NBEA: variants seen among roughly 807,000 people sequenced by gnomAD.
NBEA encodes neurobeachin.
A neutral mutation model predicts 343.4 loss-of-function variants in NBEA; 44 were observed. That is an observed-to-expected ratio of 0.13 (90% CI 0.10 to 0.16). NBEA has a LOEUF of 0.16. NBEA is among the 10% of genes least tolerant of loss of function. The pLI is 1.00. For missense variants in NBEA, 2,555 were observed against 3,631.3 expected, an observed-to-expected ratio of 0.70 and a Z score of 7.62; for synonymous variants, 1,175 against 1,238.7, an observed-to-expected ratio of 0.95 and a Z score of 1.08.
rs2061328920 is a variant in NBEA at position 35,006,658 on chromosome 13, T to C, written c.295-34275T>C. Among the ~76,000 whole-genome samples the C allele has an allele frequency of 2.0e-5, 3 of 152,292 alleles. No homozygotes were observed. The South Asian group carries it at 6.2e-4, about 32-fold the overall frequency. Reference sequence around the variant, plus strand: ...TTGGAAATCTACTTTTTACAGTCTCTTTTTCTTTCTCTGCAATTTTTAAAT... The same window carrying C: ...TTGGAAATCTACTTTTTACAGTCTCCTTTTCTTTCTCTGCAATTTTTAAAT... On this transcript the variant is annotated intron_variant, in intron 1 of 58. Coordinates refer to ENST00000379939, the MANE Select transcript of NBEA (RefSeq NM_001385012.1).
intron 10 of NBEA, among the ~76,000 whole-genome samples, chr13:35,080,020 C>CTAGG (rs534061149): frequency 9.6e-4 from 146 of 152,096 alleles, no homozygotes; most frequent in African/African-American, 3.3e-3. Flanking sequence ...GTAATATTAC[C>CTAGG]TATTTCTGAA....
rs548513244 is a variant in NBEA at position 35,453,730 on chromosome 13, G to T, written c.6448+1495G>T. On this transcript the variant is annotated intron_variant, in intron 40 of 58. Transcript: ENST00000379939. ...ATAATTAATTAGTTAGTATAGATTT[G>T]CATAGTCCCTTAAAGTTTATTATAA... Among the ~76,000 whole-genome samples, 4 of 152,254 alleles carry T rather than the reference G, an allele frequency of 2.6e-5. No individual in the cohort carries two copies. The South Asian group carries it at 8.3e-4, about 32-fold the overall frequency.
chr13:35,298,836 TGAATTG>T (rs2036338731), intron 35 of NBEA, among the ~76,000 whole-genome samples: 1 of 152,030 alleles, frequency 6.6e-6, no homozygotes, highest in Non-Finnish European at 1.5e-5. Flanking sequence ...ATCTTCTCTT[TGAATTG>T]ATCATTCATT....
intron 6 of NBEA, among the ~76,000 whole-genome samples, chr13:35,051,646 A>G (rs1212129104): frequency 6.6e-6 from 1 of 151,954 alleles, no homozygotes; most frequent in Non-Finnish European, 1.5e-5. Flanking sequence ...TTTCTTTTTT[A>G]ATACAAATTG....
intron 41 of NBEA, among the ~76,000 whole-genome samples, chr13:35,492,283 C>A (rs948792790): frequency 6.6e-6 from 1 of 151,822 alleles, no homozygotes; most frequent in Non-Finnish European, 1.5e-5. Context: ...AAATCTCACA[C>A]TAAAGAACTT....
intron 1 of NBEA, among the ~76,000 whole-genome samples, chr13:35,016,680 A>C (rs1172758165): frequency 2.0e-5 from 3 of 152,140 alleles, no homozygotes; most frequent in African/African-American, 7.2e-5. Flanking sequence ...TAGATTATGT[A>C]GTGCTAGGAA....
chr13:34,968,613 A>G (rs2059903543), intron 1 of NBEA, among the ~76,000 whole-genome samples: 1 of 152,184 alleles, frequency 6.6e-6, no homozygotes, highest in Non-Finnish European at 1.5e-5. Flanking sequence ...CTTTATTTAC[A>G]ATAAGACATT....
intron 41 of NBEA, among the ~76,000 whole-genome samples, chr13:35,482,197 T>C (rs2076144939): frequency 6.6e-6 from 1 of 151,842 alleles, no homozygotes; most frequent in African/African-American, 2.4e-5. Flanking sequence ...GGAGTAATAA[T>C]TTAAAAGGAT....
At chr13:35,114,917 C>T (rs949339434) in intron 13 of NBEA, among the ~76,000 whole-genome samples, 10 of 152,098 alleles carry the variant, frequency 6.6e-5, no homozygotes, top group African/African-American at 2.4e-4. Context: ...CTTTTAAGGA[C>T]ACTCTAAAGA....
chr13:35,405,522 T>C (rs1388024518), intron 38 of NBEA, among the ~76,000 whole-genome samples: 1 of 152,158 alleles, frequency 6.6e-6, no homozygotes, highest in Non-Finnish European at 1.5e-5. Flanking sequence ...GTAGTAAAAA[T>C]CATGAACTTA....
At chr13:35,523,080 A>G (rs1371834779) in intron 41 of NBEA, among the ~76,000 whole-genome samples, 1 of 152,210 alleles carries the variant, frequency 6.6e-6, no homozygotes, top group African/African-American at 2.4e-5. Context: ...TGATGGCTTT[A>G]TGAATAGTGT....
At chr13:35,657,306 T>A (rs534174645) in intron 55 of NBEA, among the ~76,000 whole-genome samples, 265 of 152,376 alleles carry the variant, frequency 1.7e-3, no homozygotes, top group African/African-American at 6.1e-3. Flanking sequence ...GAGTGTCTAT[T>A]GTACATACGA....
chr13:35,477,276 T>A (rs1175178419), intron 41 of NBEA: 1 of 165,204 alleles, frequency 6.1e-6, no homozygotes, highest in Non-Finnish European at 1.5e-5. Flanking sequence ...GGTAGTATGC[T>A]CTTTTTTTAC....
At chr13:35,641,081 G>T (rs771025501) in intron 49 of NBEA, among the ~76,000 whole-genome samples, 2 of 151,560 alleles carry the variant, frequency 1.3e-5, no homozygotes, top group Non-Finnish European at 1.5e-5. Flanking sequence ...TCCAGGTAAA[G>T]AAATAATTAT....
chr13:35,024,695 A>T (rs1478668266), intron 1 of NBEA, among the ~76,000 whole-genome samples: 2 of 152,156 alleles, frequency 1.3e-5, no homozygotes, highest in Non-Finnish European at 2.9e-5. Flanking sequence ...AAATAAAATA[A>T]AATAACATAA....
At chr13:35,577,616 T>G (rs566516358) in intron 45 of NBEA, among the ~76,000 whole-genome samples, 81 of 121,820 alleles carry the variant, frequency 6.6e-4, no homozygotes, top group Non-Finnish European at 1.3e-3. Context: ...TTGCATAAAA[T>G]TTTTTTCTAA....
chr13:35,372,094 G>C (rs146720811), intron 38 of NBEA, among the ~76,000 whole-genome samples: 68 of 152,298 alleles, frequency 4.5e-4, no homozygotes, highest in African/African-American at 1.5e-3. Context: ...TGAGTTTCCA[G>C]GTGGCTTTCT....
At chr13:35,507,321 T>C in intron 41 of NBEA, among the ~76,000 whole-genome samples, 1 of 152,086 alleles carries the variant, frequency 6.6e-6, no homozygotes, top group East Asian at 1.9e-4. Context: ...TTTTTTTTCT[T>C]TTTACAATTA....
At chr13:35,040,898 T>C (rs1426447317) in intron 1 of NBEA, 35 bp from the exon 2 acceptor site, 39 of 1,548,108 alleles carry the variant, frequency 2.5e-5, no homozygotes, top group Non-Finnish European at 3.5e-5. Context: ...TAACCTCCCA[T>C]GTTAACACTA....
Sources: gnomAD v4.1 joint callset for allele counts (sites outside exome capture counted in the v4.1 genomes callset) on GRCh38, gnomAD v4.1.1 for gene constraint, MANE v1.5 for transcripts, NCBI Gene and HGNC (gene_info 2026-07-23, HGNC 2026-07-21) for gene names.